Variants in ANK1 observed in about 807,000 individuals in gnomAD.
ANK1 encodes the protein ankyrin-1.
Under a neutral mutation model 210.4 loss-of-function variants are expected in ANK1, and 51 were observed. That is an observed-to-expected ratio of 0.24 (90% CI 0.19 to 0.31). ANK1 has a LOEUF of 0.31. Among genes scored for constraint, ANK1 ranks in the 10% least tolerant of loss-of-function variants. The probability of loss-of-function intolerance (pLI) is 1.00; values close to 1 mark genes in which losing one functional copy is unlikely to be tolerated. For synonymous variants in ANK1, 967 were observed against 1,025.9 expected, an observed-to-expected ratio of 0.94 and a Z score of 1.10; for missense variants, 2,051 against 2,504.4, an observed-to-expected ratio of 0.82 and a Z score of 3.86.
At chr8:41,786,915 T>A (rs1023576911) in intron 1 of ANK1, among the ~76,000 whole-genome samples, 15 of 152,246 alleles carry the variant, frequency 9.9e-5, no homozygotes, top group Non-Finnish European at 2.2e-4. Context: ...ACAAAGGCAG[T>A]GATGGAACAA....
chr8:41,745,480 G>A (rs1835880051), intron 2 of ANK1, among the ~76,000 whole-genome samples: 1 of 152,166 alleles, frequency 6.6e-6, no homozygotes, highest in Admixed American at 6.5e-5. Context: ...TTCTCTGTAC[G>A]TTCTTGTAAC....
In ANK1 at chr8:41,655,062, CACAGCAGAGTCTAT is replaced by C. The variant is rs6150565; in HGVS notation, c.*714_*727del. ...ACAACATAAAAAATTCCAATTTATC[CACAGCAGAGTCTAT>C]ACAGCTTCAGAAGTCACAGTAAAAT... On this transcript the variant is annotated 3_prime_UTR_variant, in exon 43 of 43. Transcript: ENST00000289734. 83,544 of 151,552 alleles carry C rather than the reference CACAGCAGAGTCTAT, an allele frequency of 0.55. 23,257 individuals are homozygous for C. Among genetic ancestry groups the C allele is most frequent in the African/African-American group, 0.62 (25,608 of 41,072 alleles). 9.4% of individuals were successfully genotyped at this position (151,552 alleles called of 1,614,324 possible).
intron 1 of ANK1, among the ~76,000 whole-genome samples, chr8:41,793,254 C>T (rs1012650590): frequency 6.6e-6 from 1 of 152,168 alleles, no homozygotes; most frequent in Admixed American, 6.5e-5. Flanking sequence ...GGTGCACACA[C>T]CTGCAGTCCC....
chr8:41,672,748 C>T lies in ANK1; in HGVS notation c.4702G>A (p.Val1568Met). Residue 1568 changes from valine (V) to methionine (M), a missense_variant, in exon 38 of 43, where the codon GTG (valine) becomes ATG (methionine). Coordinates refer to ENST00000289734, the MANE Select transcript of ANK1 (RefSeq NM_000037.4). ...GAAGGCGTGAGGCCCGCAGACCACA[C>T]CTGCATGTCAGACATCTCCAGCATG... is the stretch of plus-strand genomic sequence containing the variant. The part of the protein sequence containing the change: ...DTMLEMSDMQ[V>M]WSAGLTPSLV... 1.2e-6 allele frequency: 2 copies of T among 1,604,186 alleles called. No homozygotes were observed. The highest frequency in any genetic ancestry group is 1.7e-6 in the Non-Finnish European group (2 of 1,173,560).
intron 2 of ANK1, among the ~76,000 whole-genome samples, chr8:41,757,587 G>A (rs1199278058): frequency 6.6e-6 from 1 of 152,150 alleles, no homozygotes; most frequent in African/African-American, 2.4e-5. Context: ...GAGCCCACTC[G>A]CCTTTGTCAG....
At chr8:41,819,967 T>C (rs901346034) in intron 1 of ANK1, among the ~76,000 whole-genome samples, 1 of 152,238 alleles carries the variant, frequency 6.6e-6, no homozygotes, top group African/African-American at 2.4e-5. Flanking sequence ...CACTGGCTTA[T>C]GTAGGGCCCA....
intron 2 of ANK1, among the ~76,000 whole-genome samples, chr8:41,743,000 G>T (rs1711691413): frequency 6.6e-6 from 1 of 152,160 alleles, no homozygotes; most frequent in Non-Finnish European, 1.5e-5. Context: ...TTATAAACAA[G>T]CAAGTGCTAT....
intron 1 of ANK1, among the ~76,000 whole-genome samples, chr8:41,803,139 A>AAAGGAAAGGAAAGG (rs1563811635): frequency 7.0e-6 from 1 of 142,696 alleles, no homozygotes; most frequent in Non-Finnish European, 1.6e-5. Flanking sequence ...GAAAGGAAAG[A>AAAGGAAAGGAAAGG]AAGGAAAGAA....
At chr8:41,822,095 AG>A (rs1563844717) in intron 1 of ANK1, among the ~76,000 whole-genome samples, 11 of 53,488 alleles carry the variant, frequency 2.1e-4, no homozygotes, top group African/African-American at 1.0e-3. Context: ...AGAGAGAGAG[AG>A]AGAGAGAGAG....
intron 1 of ANK1, among the ~76,000 whole-genome samples, chr8:41,856,893 T>C (rs76535030): frequency 6.8e-6 from 1 of 147,366 alleles, no homozygotes; most frequent in African/African-American, 2.5e-5. Context: ...TTTTTTTTTT[T>C]TTTTTTGAGA....
At chr8:41,743,345 T>G (rs1355267090) in intron 2 of ANK1, among the ~76,000 whole-genome samples, 2 of 152,092 alleles carry the variant, frequency 1.3e-5, no homozygotes, top group Non-Finnish European at 2.9e-5. Context: ...GGCATGATAG[T>G]TTGTCTAGAA....
exon 1 of ANK1, chr8:41,896,561 G>A (rs374801659): frequency 2.0e-6 from 3 of 1,500,664 alleles, no homozygotes; most frequent in Admixed American, 2.1e-5. Flanking sequence ...CTAAGAAGGG[G>A]AAGGGGGTCT....
chr8:41,866,588 A>G (rs1304011042), intron 1 of ANK1, among the ~76,000 whole-genome samples: 1 of 152,168 alleles, frequency 6.6e-6, no homozygotes, highest in Non-Finnish European at 1.5e-5. Flanking sequence ...AACTCTTTTC[A>G]TCTTGCAAAG....
intron 1 of ANK1, among the ~76,000 whole-genome samples, chr8:41,891,284 T>G (rs1209004082): frequency 1.2e-5 from 1 of 83,196 alleles, no homozygotes; most frequent in African/African-American, 4.7e-5. Context: ...GATGAGTTTG[T>G]TTTTTTTTTT....
At chr8:41,688,060 A>G (rs1348555842) in intron 35 of ANK1, 96 bp downstream of exon 35, 5 of 1,399,042 alleles carry the variant, frequency 3.6e-6, no homozygotes, top group Admixed American at 3.4e-5. Flanking sequence ...CGGGTGATAA[A>G]AGGAGGGTTA....
chr8:41,843,332 TCAGA>T (rs1382039419), intron 1 of ANK1, among the ~76,000 whole-genome samples: 1 of 152,202 alleles, frequency 6.6e-6, no homozygotes, highest in African/African-American at 2.4e-5. Context: ...TGCTCTGCGA[TCAGA>T]CATTGAATCT....
intron 1 of ANK1, among the ~76,000 whole-genome samples, chr8:41,767,268 C>T (rs1220059803): frequency 6.6e-6 from 1 of 151,712 alleles, no homozygotes; most frequent in Non-Finnish European, 1.5e-5. Flanking sequence ...GGACGCAGAG[C>T]CCCGGCCCCG....
intron 1 of ANK1, among the ~76,000 whole-genome samples, chr8:41,791,767 A>T (rs990602325): frequency 6.6e-6 from 1 of 152,042 alleles, no homozygotes; most frequent in South Asian, 2.1e-4. Flanking sequence ...TTCATTTCCC[A>T]CATCTGGAAA....
rs34523608 is a variant in ANK1 at position 41,699,515 on chromosome 8, C to T, written c.2495G>A (p.Arg832Gln). The T allele has an allele frequency of 1.1e-3, 1,791 of 1,614,152 alleles. 16 individuals carry two copies. The African/African-American group carries it at 0.022, about 20-fold the overall frequency. The change falls in exon 23 of 43, where the codon CGG becomes CAG. Residue 832 changes from arginine (R) to glutamine (Q), a missense_variant. This residue lies in a region of ANK1 where 1,413 missense variants were observed against 1,707.4 expected (regional missense o/e 0.83). Transcript: ENST00000289734. ...CTCTTCATCAACATCCCTGGAATCC[C>T]GCCTCTCAGCCTTGAAGCTGATGAG... is the stretch of plus-strand genomic sequence containing the variant. The part of the protein sequence containing the change: ...EELISFKAER[R>Q]DSRDVDEEKE...
Sources: allele counts gnomAD v4.1 joint callset (sites outside exome capture counted in the v4.1 genomes callset), GRCh38; gene constraint gnomAD v4.1.1; regional missense constraint gnomAD v4.1.1; transcripts MANE v1.5; gene names NCBI Gene and HGNC (gene_info 2026-07-23, HGNC 2026-07-21).